Variants in NDUFA5 observed in about 807,000 individuals in gnomAD.
The protein encoded by NDUFA5 is NADH dehydrogenase [ubiquinone] 1 alpha subcomplex subunit 5.
NDUFA5 carries 11 observed loss-of-function variants against 19.8 expected under a neutral mutation model. That is an observed-to-expected ratio of 0.56 (90% CI 0.35 to 0.92). The LOEUF (loss-of-function observed/expected upper bound fraction) is 0.92. NDUFA5 is among the 40% of genes least tolerant of loss of function. The pLI is 0.01. For missense variants in NDUFA5, 109 were observed against 134.2 expected (o/e 0.81, Z 0.93); for synonymous variants, 47 against 46.8 (o/e 1.00, Z -0.01).
the NDUFA5 span, among the ~76,000 whole-genome samples, chr7:123,572,451 A>C: frequency 6.6e-6 from 1 of 151,704 alleles, no homozygotes; most frequent in African/African-American, 2.4e-5. Flanking sequence ...GAATTTCTTT[A>C]TGTAGCCTGG....
At chr7:123,565,754 G>A in the NDUFA5 span, among the ~76,000 whole-genome samples, 2 of 152,088 alleles carry the variant, frequency 1.3e-5, no homozygotes, top group African/African-American at 2.4e-5. Context: ...AGTGGCTCAC[G>A]CCTTGTAATC....
chr7:123,544,310 C>A (rs1271715349), intron 4 of NDUFA5, among the ~76,000 whole-genome samples: 1 of 151,814 alleles, frequency 6.6e-6, no homozygotes, highest in Non-Finnish European at 1.5e-5. Flanking sequence ...ACCAGCCTGA[C>A]CAAAATGGAG....
chr7:123,583,297 C>T, the NDUFA5 span, among the ~76,000 whole-genome samples: 5 of 151,820 alleles, frequency 3.3e-5, no homozygotes, highest in African/African-American at 1.2e-4. Context: ...GAAATCAGAG[C>T]TATTTTTGGG....
chr7:123,596,070 G>T, the NDUFA5 span, among the ~76,000 whole-genome samples: 1 of 151,920 alleles, frequency 6.6e-6, no homozygotes, highest in Admixed American at 6.6e-5. Context: ...TTTTTTCTCA[G>T]TACTTATACT....
At chr7:123,551,491 G>T in intron 2 of NDUFA5, 7 of 964,908 alleles carry the variant, frequency 7.3e-6, no homozygotes, top group African/African-American at 1.8e-5. Context: ...TTACAGGCGT[G>T]AGCCCACCCA....
At chr7:123,575,831 T>TG in the NDUFA5 span, among the ~76,000 whole-genome samples, 46 of 150,908 alleles carry the variant, frequency 3.0e-4, no homozygotes, top group African/African-American at 1.0e-3. Context: ...TTTTTTTTTT[T>TG]GAAATCCACT....
chr7:123,545,797 C>CT (rs1229008251), intron 3 of NDUFA5, 121 bp from the exon 4 acceptor site: 10 of 641,448 alleles, frequency 1.6e-5, no homozygotes, highest in Non-Finnish European at 2.3e-5. Context: ...TCATCATACT[C>CT]TTTTTACTAA....
At chr7:123,551,570 T>G (rs1798342297) in intron 2 of NDUFA5, 2 of 879,832 alleles carry the variant, frequency 2.3e-6, no homozygotes, top group Non-Finnish European at 2.7e-6. Flanking sequence ...TTTTCTTATT[T>G]GAATTTCTGT....
chr7:123,566,979 C>CA, the NDUFA5 span: 1 of 152,170 alleles, frequency 6.6e-6, no homozygotes, highest in Non-Finnish European at 1.5e-5. Context: ...ATCATATGAT[C>CA]ATGAAAGATG....
At chr7:123,578,509 A>T in the NDUFA5 span, among the ~76,000 whole-genome samples, 1 of 151,744 alleles carries the variant, frequency 6.6e-6, no homozygotes, top group South Asian at 2.1e-4. Context: ...TTTTTTATTC[A>T]TTCACTTATT....
At chr7:123,558,467 A>T (rs1798639022), upstream of NDUFA5, among the ~76,000 whole-genome samples, 1 of 152,228 alleles carries the variant, frequency 6.6e-6, no homozygotes, top group Non-Finnish European at 1.5e-5. Flanking sequence ...ATGGGATTTC[A>T]CATCCTGGAA....
At chr7:123,558,770 A>G (rs1208468373), upstream of NDUFA5, among the ~76,000 whole-genome samples, 3 of 152,208 alleles carry the variant, frequency 2.0e-5, no homozygotes, top group African/African-American at 7.2e-5. Context: ...ATTATACAAA[A>G]TTTGAATTTT....
chr7:123,599,687 T>G, the NDUFA5 span, among the ~76,000 whole-genome samples: 1 of 152,352 alleles, frequency 6.6e-6, no homozygotes, highest in African/African-American at 2.4e-5. Flanking sequence ...GTGCTTCAAC[T>G]ATTTTAACCT....
At chr7:123,551,207 CTTTCTT>C (rs1562896637) in intron 2 of NDUFA5, among the ~76,000 whole-genome samples, 1 of 142,740 alleles carries the variant, frequency 7.0e-6, no homozygotes. Flanking sequence ...ATTTTTCTTT[CTTTCTT>C]TTTTTTTTTT....
At chr7:123,553,746 T>G (rs2116173539) in intron 2 of NDUFA5, among the ~76,000 whole-genome samples, 1 of 152,326 alleles carries the variant, frequency 6.6e-6, no homozygotes, top group South Asian at 2.1e-4. Context: ...CTCTGTGCCT[T>G]CATCCCTCAT....
At chr7:123,599,410 T>C in the NDUFA5 span, among the ~76,000 whole-genome samples, 1 of 152,220 alleles carries the variant, frequency 6.6e-6, no homozygotes, top group South Asian at 2.1e-4. Context: ...CAGAAAGGAC[T>C]TAATAAGTGG....
At position 123,538,502 on chromosome 7, in the gene NDUFA5, A is replaced by C. The variant is rs1432513346; in HGVS notation, c.*3617T>G. ...CTCTCATTTACTTTTCTCTAAAACA[A>C]TTGGCATTACTATTGTTGTAGCATA... On this transcript the variant is annotated 3_prime_UTR_variant, in exon 5 of 5. Transcript: ENST00000355749. 2 of 152,218 alleles carry C rather than the reference A, an allele frequency of 1.3e-5. No individual in the cohort carries two copies. Among genetic ancestry groups the C allele is most frequent in the East Asian group, 3.9e-4 (2 of 5,190 alleles). 9.4% of individuals were successfully genotyped at this position (152,218 alleles called of 1,614,324 possible).
the NDUFA5 span, chr7:123,599,056 C>T: frequency 6.6e-6 from 1 of 151,950 alleles, no homozygotes; most frequent in Non-Finnish European, 1.5e-5. Context: ...TGTTTTATGC[C>T]TAACCAAAAT....
the NDUFA5 span, among the ~76,000 whole-genome samples, chr7:123,589,096 C>G: frequency 1.3e-5 from 2 of 151,648 alleles, no homozygotes; most frequent in Non-Finnish European, 2.9e-5. Context: ...TATTTCCTTG[C>G]TGGTTTTCCT....
Sources: gnomAD v4.1 joint callset for allele counts (sites outside exome capture counted in the v4.1 genomes callset) on GRCh38, gnomAD v4.1.1 for gene constraint, MANE v1.5 for transcripts, NCBI Gene and HGNC (gene_info 2026-07-23, HGNC 2026-07-21) for gene names.